The following SPATA6 variants were observed in gnomAD, a reference collection of about 807,000 sequenced individuals.
SPATA6 encodes the protein spermatogenesis associated 6, also known as spermatogenesis-associated protein 6.
Under a neutral mutation model 65.3 loss-of-function variants are expected in SPATA6, and 56 were observed. The ratio of observed to expected loss-of-function variants is 0.86; its 90% CI spans 0.69 to 1.07. SPATA6 has a LOEUF of 1.07. SPATA6 is among the 50% of genes least tolerant of loss of function. The probability of loss-of-function intolerance (pLI) is 0.00; values close to 1 mark genes in which losing one functional copy is unlikely to be tolerated. For synonymous variants in SPATA6, 199 were observed against 213.2 expected, an observed-to-expected ratio of 0.93 and a Z score of 0.58; for missense variants, 590 against 594.8, an observed-to-expected ratio of 0.99 and a Z score of 0.08.
At chr1:48,433,028 T>A (rs1203063823) in intron 3 of SPATA6, among the ~76,000 whole-genome samples, 3 of 152,124 alleles carry the variant, frequency 2.0e-5, no homozygotes, top group African/African-American at 4.8e-5. Context: ...GCCAGTTTTT[T>A]AAAAAACACA....
intron 6 of SPATA6, chr1:48,400,915 GACTTAC>G: frequency 6.6e-6 from 6 of 907,114 alleles, no homozygotes; most frequent in Non-Finnish European, 8.6e-6. Context: ...TGACATCACA[GACTTAC>G]AGAAGCAAAG....
intron 11 of SPATA6, among the ~76,000 whole-genome samples, chr1:48,322,216 C>T (rs1645618844): frequency 6.6e-6 from 1 of 151,886 alleles, no homozygotes; most frequent in Admixed American, 6.6e-5. Flanking sequence ...TTAAATAAAA[C>T]AATACAAAAG....
intron 3 of SPATA6, among the ~76,000 whole-genome samples, chr1:48,428,809 G>GTGTGTGTGTGTA (rs144421737): frequency 0.014 from 1,956 of 137,602 alleles, 25 homozygotes; most frequent in South Asian, 0.023. Context: ...GTGTGTGTGT[G>GTGTGTGTGTGTA]TATATGTATA....
intron 11 of SPATA6, among the ~76,000 whole-genome samples, chr1:48,319,919 C>G (rs887602288): frequency 6.6e-6 from 1 of 152,142 alleles, no homozygotes; most frequent in Admixed American, 6.5e-5. Flanking sequence ...GAGAAGAGGG[C>G]AAACTATGCA....
intron 3 of SPATA6, among the ~76,000 whole-genome samples, chr1:48,448,503 A>G (rs1032260246): frequency 1.3e-5 from 2 of 152,098 alleles, no homozygotes; most frequent in Admixed American, 1.3e-4. Context: ...AAAAAAAAAA[A>G]AAAAGACGTT....
chr1:48,269,768 TAACA>T, the SPATA6 span, among the ~76,000 whole-genome samples: 5 of 151,492 alleles, frequency 3.3e-5, no homozygotes, highest in South Asian at 2.1e-4. Flanking sequence ...TACACTTATA[TAACA>T]AACATAAATA....
intron 3 of SPATA6, among the ~76,000 whole-genome samples, chr1:48,427,253 T>C (rs921624389): frequency 7.9e-5 from 12 of 151,910 alleles, no homozygotes; most frequent in Admixed American, 2.0e-4. Context: ...TAACTGAATA[T>C]GAATTAAAAT....
intron 11 of SPATA6, among the ~76,000 whole-genome samples, chr1:48,333,080 A>G (rs527659645): frequency 3.9e-5 from 6 of 152,300 alleles, no homozygotes; most frequent in African/African-American, 1.4e-4. Flanking sequence ...GGCTGTTACC[A>G]GAAGAGATTA....
chr1:48,427,721 CT>C (rs1273916469), intron 3 of SPATA6, among the ~76,000 whole-genome samples: 1 of 151,986 alleles, frequency 6.6e-6, no homozygotes, highest in South Asian at 2.1e-4. Context: ...CTCCATATAA[CT>C]TTTTTTTAAC....
At chr1:48,333,253 C>T (rs1645965956) in intron 11 of SPATA6, among the ~76,000 whole-genome samples, 1 of 152,176 alleles carries the variant, frequency 6.6e-6, no homozygotes, top group Non-Finnish European at 1.5e-5. Context: ...CATCTTTCTC[C>T]CATGCTGCAT....
At chr1:48,327,475 G>A (rs1645797320) in intron 11 of SPATA6, among the ~76,000 whole-genome samples, 1 of 152,126 alleles carries the variant, frequency 6.6e-6, no homozygotes, top group Admixed American at 6.5e-5. Flanking sequence ...TACAATTTGA[G>A]CCAATAATCC....
At chr1:48,331,423 T>C (rs781458408) in intron 11 of SPATA6, among the ~76,000 whole-genome samples, 12 of 149,656 alleles carry the variant, frequency 8.0e-5, no homozygotes, top group Non-Finnish European at 1.6e-4. Context: ...CCTACAAAAA[T>C]TTCATATATC....
At chr1:48,342,321 T>G (rs1316014346) in intron 11 of SPATA6, among the ~76,000 whole-genome samples, 1 of 152,168 alleles carries the variant, frequency 6.6e-6, no homozygotes, top group East Asian at 1.9e-4. Context: ...AGCACATGCA[T>G]GTCACAAACA....
chr1:48,440,323 G>A (rs969961145), intron 3 of SPATA6, among the ~76,000 whole-genome samples: 3 of 152,282 alleles, frequency 2.0e-5, no homozygotes, highest in South Asian at 2.1e-4. Context: ...GTCCTACAGG[G>A]TCTAGGGCAA....
At chr1:48,413,218 A>G in intron 3 of SPATA6, 67 bp from the exon 4 acceptor site, 1 of 880,930 alleles carries the variant, frequency 1.1e-6, no homozygotes, top group Non-Finnish European at 1.6e-6. Flanking sequence ...TTAATTTACC[A>G]TGGGAGTGTC....
In SPATA6 at chr1:48,359,750, C is replaced by T. The variant is rs1269245463; in HGVS notation, c.930G>A (p.Gly310=). 1 of 1,612,248 alleles carries T rather than the reference C, an allele frequency of 6.2e-7. No homozygotes were observed. Among genetic ancestry groups the T allele is most frequent in the Non-Finnish European group, 8.5e-7 (1 of 1,179,230 alleles). Residue 310 remains glycine, a synonymous_variant, in exon 10 of 13, where the codon GGG becomes GGA. Transcript: ENST00000371847. ...TTTCTAAAGAGTCATCGAAGTCTCT[C>T]CCATGGGGTGTCCTGATAACCTGTT... ...KDYKVIRTPH[G]RDFDDSLEKC...
rs1254878251 is a variant in SPATA6, at chr1:48,372,609, G to T, written c.909+12700C>A. On this transcript the variant is annotated intron_variant, in intron 9 of 12. Transcript: ENST00000371847. ...GTGGCCCTCTTTTCACACTCCACCA[G>T]GCAGTGCCCCAGTAGGGACTCTGTG... is the stretch of plus-strand genomic sequence containing the variant. Among the ~76,000 whole-genome samples, 9 of 152,204 alleles carry T rather than the reference G, an allele frequency of 5.9e-5. No individual in the cohort carries two copies. In the East Asian group the frequency reaches 1.7e-3, roughly 29 times the overall value.
At chr1:48,358,902 C>T (rs1646731914) in intron 10 of SPATA6, among the ~76,000 whole-genome samples, 1 of 152,112 alleles carries the variant, frequency 6.6e-6, no homozygotes, top group African/African-American at 2.4e-5. Context: ...AATATAGCAT[C>T]CAAACTAACA....
At chr1:48,434,518 C>T (rs1654706702) in intron 3 of SPATA6, among the ~76,000 whole-genome samples, 1 of 152,016 alleles carries the variant, frequency 6.6e-6, no homozygotes, top group South Asian at 2.1e-4. Context: ...GAGACATTGA[C>T]CAAAGAGGGG....
Sources: allele counts gnomAD v4.1 joint callset (sites outside exome capture counted in the v4.1 genomes callset), GRCh38; gene constraint gnomAD v4.1.1; transcripts MANE v1.5; gene names NCBI Gene and HGNC (gene_info 2026-07-23, HGNC 2026-07-21).